The following ATP11B variants were observed in gnomAD, a reference collection of about 807,000 sequenced individuals.
ATP11B encodes phospholipid-transporting ATPase IF.
In ATP11B, 81 loss-of-function variants were observed where a neutral mutation model predicts 157.8. That is an observed-to-expected ratio of 0.51 (90% confidence interval 0.43 to 0.62). ATP11B has a LOEUF of 0.62. Among genes scored for constraint, ATP11B ranks in the 20% least tolerant of loss-of-function variants. ATP11B has a pLI of 0.00. For synonymous variants in ATP11B, 451 were observed against 469.4 expected (o/e 0.96, Z 0.51); for missense variants, 1,165 against 1,402.2 (o/e 0.83, Z 2.70).
intron 8 of ATP11B, chr3:182,844,554 T>G: frequency 1.0e-6 from 1 of 984,836 alleles, no homozygotes; most frequent in African/African-American, 1.7e-5. Flanking sequence ...GGAGAGAAAT[T>G]CAAACAGCAA....
intron 25 of ATP11B, among the ~76,000 whole-genome samples, chr3:182,894,643 A>G (rs551881751): frequency 2.6e-5 from 4 of 152,328 alleles, no homozygotes; most frequent in Non-Finnish European, 1.5e-5. Flanking sequence ...ACAAAAAGCT[A>G]TGTGAATGCT....
intron 29 of ATP11B, chr3:182,917,026 T>C (rs1026233762): frequency 2.0e-6 from 2 of 985,260 alleles, no homozygotes; most frequent in Non-Finnish European, 2.4e-6. Context: ...AGTCCTTCCC[T>C]AACCTAAGGT....
Position 182,897,407 on chromosome 3 carries a change from G to A in ATP11B, c.3152+1G>A, listed in dbSNP as rs1237218074. 6.6e-7 allele frequency: 1 copy of A among 1,517,194 alleles called. No homozygotes were observed. Among genetic ancestry groups the A allele is most frequent in the African/African-American group, 1.4e-5 (1 of 71,050 alleles). 94.0% of individuals were successfully genotyped at this position (1,517,194 alleles called of 1,614,324 possible). A position where few individuals can be genotyped will look rare whatever the true frequency, so the allele number is the denominator to read the frequency against. ...CCTTGTTTTATGGAGGGATTCTCTG[G>A]TGAGTGAATATATTGTATTTTAATT... is the stretch of plus-strand genomic sequence containing the variant. On this transcript the variant is annotated splice_donor_variant, in intron 27 of 29. Transcript: ENST00000323116. LOFTEE classifies it high-confidence loss of function.
chr3:182,883,111 A>G (rs1045455313), intron 21 of ATP11B, among the ~76,000 whole-genome samples: 1 of 152,210 alleles, frequency 6.6e-6, no homozygotes, highest in East Asian at 1.9e-4. Flanking sequence ...ACAAAATTTT[A>G]AAGTATGCCT....
intron 28 of ATP11B, among the ~76,000 whole-genome samples, chr3:182,904,089 C>T (rs1265018367): frequency 2.0e-5 from 3 of 152,186 alleles, no homozygotes; most frequent in Non-Finnish European, 4.4e-5. Context: ...CTGCAAGCCA[C>T]TCTCCAATCA....
At chr3:182,856,090 A>T (rs1179109406) in intron 10 of ATP11B, among the ~76,000 whole-genome samples, 1 of 152,188 alleles carries the variant, frequency 6.6e-6, no homozygotes, top group Non-Finnish European at 1.5e-5. Flanking sequence ...AAATGTACAT[A>T]GCCACTTTAT....
chr3:182,799,416 A>G (rs1224583235), intron 1 of ATP11B, among the ~76,000 whole-genome samples: 4 of 151,798 alleles, frequency 2.6e-5, no homozygotes, highest in East Asian at 1.9e-4. Flanking sequence ...AGCTGGGACT[A>G]CAGGCGCCCA....
chr3:182,812,171 CT>C (rs1716709667), intron 1 of ATP11B, among the ~76,000 whole-genome samples: 1 of 151,976 alleles, frequency 6.6e-6, no homozygotes, highest in African/African-American at 2.4e-5. Flanking sequence ...AAATAGTAAA[CT>C]TTGAAGATAT....
At chr3:182,897,216 CTT>C (rs1723613011) in intron 26 of ATP11B, 85 bp from the exon 27 acceptor site, 1 of 718,186 alleles carries the variant, frequency 1.4e-6, no homozygotes, top group African/African-American at 1.9e-5. Context: ...CTTTTAGATA[CTT>C]ATGTTTATTC....
intron 25 of ATP11B, among the ~76,000 whole-genome samples, chr3:182,890,450 A>T (rs772950309): frequency 2.0e-5 from 3 of 152,242 alleles, no homozygotes; most frequent in Non-Finnish European, 2.9e-5. Flanking sequence ...TCTGGTAAGT[A>T]ACTTGGTCAT....
intron 28 of ATP11B, among the ~76,000 whole-genome samples, chr3:182,913,417 A>G (rs1421612152): frequency 2.0e-5 from 3 of 152,182 alleles, no homozygotes; most frequent in Non-Finnish European, 4.4e-5. Flanking sequence ...AAGATAATTC[A>G]TACTCCACTT....
At chr3:182,838,037 C>A (rs1718688641) in intron 7 of ATP11B, among the ~76,000 whole-genome samples, 2 of 152,198 alleles carry the variant, frequency 1.3e-5, no homozygotes, top group Middle Eastern at 6.8e-3. Context: ...TTATATATCT[C>A]CCCCTGTTGG....
chr3:182,896,670 G>T, intron 25 of ATP11B, 30 bp from the exon 26 acceptor site: 1 of 1,540,626 alleles, frequency 6.5e-7, no homozygotes, highest in Non-Finnish European at 9.0e-7. Flanking sequence ...ATGTTAACAC[G>T]TAATGTAATA....
At chr3:182,870,669 A>G (rs1721587895) in intron 17 of ATP11B, among the ~76,000 whole-genome samples, 1 of 152,150 alleles carries the variant, frequency 6.6e-6, no homozygotes, top group African/African-American at 2.4e-5. Flanking sequence ...GGGAATGGCA[A>G]TATTTAGAAA....
At chr3:182,830,988 C>G (rs915065342) in intron 4 of ATP11B, among the ~76,000 whole-genome samples, 4 of 152,084 alleles carry the variant, frequency 2.6e-5, no homozygotes, top group Non-Finnish European at 4.4e-5. Flanking sequence ...GACCTCGTTT[C>G]TATATATACT....
At chr3:182,849,633 G>A (rs1719810002) in intron 10 of ATP11B, among the ~76,000 whole-genome samples, 2 of 152,142 alleles carry the variant, frequency 1.3e-5, no homozygotes, top group African/African-American at 2.4e-5. Flanking sequence ...AACATCATTA[G>A]GTGGGTCTCA....
intron 19 of ATP11B, among the ~76,000 whole-genome samples, chr3:182,878,517 A>T (rs1722202908): frequency 1.3e-5 from 2 of 152,102 alleles, no homozygotes; most frequent in Non-Finnish European, 2.9e-5. Flanking sequence ...TTGTGGGGGG[A>T]AGCAGTTTAA....
chr3:182,911,251 C>G (rs537309864), intron 28 of ATP11B, among the ~76,000 whole-genome samples: 1 of 108,222 alleles, frequency 9.2e-6, no homozygotes, highest in Non-Finnish European at 1.8e-5. Flanking sequence ...CTTTTCCCCC[C>G]CATCTCCTGC....
intron 7 of ATP11B, among the ~76,000 whole-genome samples, chr3:182,840,384 C>G (rs1467082617): frequency 6.6e-6 from 1 of 152,130 alleles, no homozygotes; most frequent in Non-Finnish European, 1.5e-5. Context: ...GCTATCTACC[C>G]TCACTCCCTT....
Sources: allele counts gnomAD v4.1 joint callset (sites outside exome capture counted in the v4.1 genomes callset), GRCh38; gene constraint gnomAD v4.1.1; transcripts MANE v1.5; gene names NCBI Gene and HGNC (gene_info 2026-07-23, HGNC 2026-07-21).